The following ABCA12 variants were observed in gnomAD, a reference collection of about 807,000 sequenced individuals.
The protein encoded by ABCA12 is glucosylceramide transporter ABCA12.
ABCA12 carries 156 observed loss-of-function variants against 293.5 expected under a neutral mutation model. The observed-to-expected ratio is 0.53, with a 90% CI of 0.47 to 0.61. ABCA12 has a LOEUF of 0.61. Among genes scored for constraint, ABCA12 ranks in the 20% least tolerant of loss-of-function variants. The probability of loss-of-function intolerance (pLI) is 0.00; values close to 1 mark genes in which losing one functional copy is unlikely to be tolerated. For synonymous variants in ABCA12, 1,063 were observed against 1,108.0 expected (o/e 0.96, Z 0.81); for missense variants, 2,797 against 3,090.2 (o/e 0.91, Z 2.25).
intron 7 of ABCA12, chr2:215,042,296 A>T (rs1701115981): frequency 6.6e-6 from 1 of 152,186 alleles, no homozygotes; most frequent in Admixed American, 6.5e-5. Context: ...GAGAGCACTG[A>T]CATTATCATG....
chr2:215,055,164 C>G (rs1390507352), intron 3 of ABCA12, among the ~76,000 whole-genome samples: 1 of 152,158 alleles, frequency 6.6e-6, no homozygotes, highest in East Asian at 1.9e-4. Flanking sequence ...ATTGAATACC[C>G]AGTATGTGCC....
At chr2:214,972,445 G>A (rs917520574) in intron 36 of ABCA12, among the ~76,000 whole-genome samples, 6 of 152,114 alleles carry the variant, frequency 3.9e-5, no homozygotes, top group African/African-American at 1.4e-4. Flanking sequence ...GTCTCTCTCT[G>A]TCACCCAGGC....
rs1274028154 is a variant in ABCA12 at position 215,011,590 on chromosome 2, T to G, written c.2181A>C (p.Gln727His). The G allele has an allele frequency of 1.2e-6, 2 of 1,613,968 alleles. No homozygotes were observed. The highest frequency in any genetic ancestry group is 2.2e-5 in the East Asian group (1 of 44,882). Residue 727 changes from glutamine (Q) to histidine (H), a missense_variant, in exon 17 of 53, where the codon CAA becomes CAC. Coordinates refer to ENST00000272895, the MANE Select transcript of ABCA12 (RefSeq NM_173076.3). ...TPQGSFSTISQALCSQGITTE... is the reference protein window; with the variant it reads ...TPQGSFSTISHALCSQGITTE... ...TGGTAATTCCTTGAGAACATAATGC[T>G]TGGGAGATGGTGCTAAATGATCCTT...
At chr2:214,952,904 C>T (rs1230253102) in intron 44 of ABCA12, among the ~76,000 whole-genome samples, 2 of 151,910 alleles carry the variant, frequency 1.3e-5, no homozygotes, top group East Asian at 3.9e-4. Flanking sequence ...CTTTTATTTC[C>T]TCTCATTGTT....
At chr2:215,061,498 G>A (rs76339833) in intron 3 of ABCA12, among the ~76,000 whole-genome samples, 4 of 152,016 alleles carry the variant, frequency 2.6e-5, no homozygotes, top group African/African-American at 9.7e-5. Flanking sequence ...GGCTATGCTG[G>A]TGAATCTTCC....
chr2:215,023,141 T>C (rs2106018435), intron 11 of ABCA12: 1 of 152,332 alleles, frequency 6.6e-6, no homozygotes, highest in South Asian at 2.1e-4. Flanking sequence ...AGCATGATAC[T>C]AATTATCAGG....
intron 36 of ABCA12, among the ~76,000 whole-genome samples, chr2:214,972,805 T>C (rs1267766060): frequency 6.6e-6 from 1 of 151,920 alleles, no homozygotes; most frequent in African/African-American, 2.4e-5. Context: ...CTTCTGAAGT[T>C]AGCTAAATTA....
intron 2 of ABCA12, among the ~76,000 whole-genome samples, chr2:215,096,476 T>C (rs1214983924): frequency 6.6e-6 from 1 of 152,214 alleles, no homozygotes; most frequent in Non-Finnish European, 1.5e-5. Flanking sequence ...AAAGATAAGT[T>C]ACATGAAAGA....
intron 44 of ABCA12, among the ~76,000 whole-genome samples, chr2:214,951,935 T>C (rs1254541108): frequency 6.6e-6 from 1 of 152,138 alleles, no homozygotes; most frequent in African/African-American, 2.4e-5. Flanking sequence ...ATATGAATAC[T>C]ATTGTTATTC....
intron 2 of ABCA12, among the ~76,000 whole-genome samples, chr2:215,097,518 G>C (rs977951294): frequency 6.6e-6 from 1 of 152,092 alleles, no homozygotes; most frequent in African/African-American, 2.4e-5. Context: ...ACAAATAGCC[G>C]AGTGTTTTGG....
At chr2:215,125,960 G>T (rs1702912380) in intron 1 of ABCA12, among the ~76,000 whole-genome samples, 1 of 152,014 alleles carries the variant, frequency 6.6e-6, no homozygotes, top group African/African-American at 2.4e-5. Context: ...TTACATTAAG[G>T]TATGTCCCTT....
At chr2:214,936,550 G>A (rs1230134001) in intron 51 of ABCA12, among the ~76,000 whole-genome samples, 1 of 152,168 alleles carries the variant, frequency 6.6e-6, no homozygotes, top group Non-Finnish European at 1.5e-5. Flanking sequence ...TATCAAAGAT[G>A]TAATAATGAC....
At chr2:215,067,817 A>G (rs1378615273) in intron 2 of ABCA12, among the ~76,000 whole-genome samples, 1 of 152,170 alleles carries the variant, frequency 6.6e-6, no homozygotes, top group Non-Finnish European at 1.5e-5. Context: ...TATTTCAAGG[A>G]GTTGAATCAA....
chr2:214,982,531 G>C, intron 29 of ABCA12, 148 bp from the exon 30 acceptor site: 2 of 634,776 alleles, frequency 3.2e-6, no homozygotes, highest in Middle Eastern at 4.3e-4. Flanking sequence ...TCATAATATA[G>C]TTTTCTATTA....
chr2:215,137,156 A>T (rs1341388384), intron 1 of ABCA12, among the ~76,000 whole-genome samples: 1 of 152,192 alleles, frequency 6.6e-6, no homozygotes, highest in Non-Finnish European at 1.5e-5. Flanking sequence ...CACAAAATTC[A>T]CAAGGGTAAA....
In ABCA12 at chr2:214,934,194, C is replaced by T; in HGVS notation, c.7564G>A (p.Glu2522Lys). 1 of 1,613,726 alleles carries T rather than the reference C, an allele frequency of 6.2e-7. No homozygotes were observed. Among genetic ancestry groups the T allele is most frequent in the Non-Finnish European group, 8.5e-7 (1 of 1,179,748 alleles). ...CCTGCTGTGACTGGTACATGATACT[C>T]TAGCATGCTGAGGTGCTGATCCTGT... ...YLKDQHLSMLEYHVPVTAGGV... is the reference protein window; with the variant it reads ...YLKDQHLSMLKYHVPVTAGGV... Residue 2522 changes from glutamate to lysine, a missense_variant, in exon 52 of 53, where the codon GAG (glutamate) becomes AAG (lysine). By Grantham distance (56) the Glu-to-Lys change is moderately conservative. Coordinates refer to ENST00000272895, the MANE Select transcript of ABCA12 (RefSeq NM_173076.3).
chr2:215,110,089 G>A (rs1702540660), intron 2 of ABCA12, among the ~76,000 whole-genome samples: 1 of 152,142 alleles, frequency 6.6e-6, no homozygotes, highest in Non-Finnish European at 1.5e-5. Flanking sequence ...AGTATACGGT[G>A]GAGTCAATCT....
At chr2:214,947,348 T>A in intron 48 of ABCA12, 74 bp downstream of exon 48, 1 of 1,598,832 alleles carries the variant, frequency 6.3e-7, no homozygotes, top group Non-Finnish European at 8.6e-7. Context: ...ATCATGATGA[T>A]GAAATGTTAA....
At chr2:215,127,271 T>C (rs1264604659) in intron 1 of ABCA12, among the ~76,000 whole-genome samples, 1 of 152,180 alleles carries the variant, frequency 6.6e-6, no homozygotes, top group Admixed American at 6.5e-5. Context: ...TGTTCAGCCA[T>C]TGTTGGATGA....
Sources: gnomAD v4.1 joint callset for allele counts (sites outside exome capture counted in the v4.1 genomes callset) on GRCh38, gnomAD v4.1.1 for gene constraint, MANE v1.5 for transcripts, NCBI Gene and HGNC (gene_info 2026-07-23, HGNC 2026-07-21) for gene names.